VGF: variants seen among roughly 807,000 people sequenced by gnomAD.
VGF encodes the protein VGF nerve growth factor inducible.
In VGF, 13 loss-of-function variants were observed where a neutral mutation model predicts 41.1. The ratio of observed to expected loss-of-function variants is 0.32; its 90% CI spans 0.21 to 0.50. VGF has a LOEUF of 0.50. Among genes scored for constraint, VGF ranks in the 20% least tolerant of loss-of-function variants. VGF has a pLI of 0.98. For missense variants in VGF, 920 were observed against 882.1 expected, an observed-to-expected ratio of 1.04 and a Z score of -0.54; for synonymous variants, 473 against 418.3, an observed-to-expected ratio of 1.13 and a Z score of -1.60.
At chr7:101,165,840 A>G (rs1263423872), upstream of VGF, among the ~76,000 whole-genome samples, 1 of 152,094 alleles carries the variant, frequency 6.6e-6, no homozygotes, top group Non-Finnish European at 1.5e-5. Context: ...GCGGGGGGCT[A>G]TGAATGAATG....
rs1226542989 is a variant in VGF at position 101,163,220 on chromosome 7, G to A, written c.1624C>T (p.Pro542Ser). 6.5e-7 allele frequency: 1 copy of A among 1,541,896 alleles called. No homozygotes were observed. The highest frequency in any genetic ancestry group is 2.3e-5 in the East Asian group (1 of 42,822). Reference sequence around the variant, plus strand: ...ATGTAGTTGGGGAAAGGGTGGTACGGCCCTGGCGGGTACACCTCGTCCTCC... The same window carrying A: ...ATGTAGTTGGGGAAAGGGTGGTACGACCCTGGCGGGTACACCTCGTCCTCC... The part of the protein sequence containing the change: ...REEDEVYPPG[P>S]YHPFPNYIRP... The change falls in exon 2 of 2, where the codon CCG becomes TCG. Residue 542 changes from proline to serine, a missense_variant. By Grantham distance (74) the Pro-to-Ser change is moderately conservative. Transcript: ENST00000249330. This position sits in a 1 kb window ranked among gnomAD's most constrained non-coding sequence, Gnocchi z 5.0.
chr7:101,164,709 C>G lies in VGF; in HGVS notation c.135G>C (p.Gly45=). ...CATCCTTTGGCCCGGGCACTGCGTC[C>G]CCGGCTACCGGCTCTTTATGCTCAG... is the stretch of plus-strand genomic sequence containing the variant. ...LSSEHKEPVA[G]DAVPGPKDGS... Residue 45 remains glycine, a synonymous_variant, in exon 2 of 2, where the codon GGG becomes GGC. Coordinates refer to ENST00000249330, the MANE Select transcript of VGF (RefSeq NM_003378.4). 6.2e-7 allele frequency: 1 copy of G among 1,608,194 alleles called. No homozygotes were observed. The highest frequency in any genetic ancestry group is 2.2e-5 in the East Asian group (1 of 44,666).
At position 101,164,214 on chromosome 7, in the gene VGF, C is replaced by G; in HGVS notation, c.630G>C (p.Trp210Cys). 6.4e-7 allele frequency: 1 copy of G among 1,564,192 alleles called. No homozygotes were observed. The highest frequency in any genetic ancestry group is 8.6e-7 in the Non-Finnish European group (1 of 1,158,056). The change falls in exon 2 of 2, where the codon TGG (tryptophan) becomes TGC (cysteine). Residue 210 changes from tryptophan (W) to cysteine (C), a missense_variant. Around this residue, in one of 3 missense-constraint regions of VGF, gnomAD observed 654 missense variants for 638.4 expected, o/e 1.02. Transcript: ENST00000249330. ...PGPERVWRAS[W>C]GEFQARVPER... ...CCGGGACACGCGCCTGGAACTCTCC[C>G]CAGGAAGCGCGCCATACGCGCTCTG...
Position 101,163,245 on chromosome 7 carries a change from C to G in VGF, c.1599G>C (p.Glu533Asp). The change falls in exon 2 of 2, where the codon GAG (glutamate) becomes GAC (aspartate). Residue 533 changes from glutamate to aspartate, a missense_variant. Coordinates refer to ENST00000249330, the MANE Select transcript of VGF (RefSeq NM_003378.4). The surrounding 1 kb of genome is among the most constrained non-coding windows in gnomAD (Gnocchi z 5.0). ...GCCCTGGCGGGTACACCTCGTCCTC[C>G]TCCCGATCCCAGGGCGGGAGCACCT... ...WNEVLPPWDR[E>D]EDEVYPPGPY... is the part of the protein sequence containing the mutation. 1 of 1,525,004 alleles carries G rather than the reference C, an allele frequency of 6.6e-7. No individual in the cohort carries two copies. Among genetic ancestry groups the G allele is most frequent in the Non-Finnish European group, 8.8e-7 (1 of 1,140,546 alleles). 94.5% of individuals were successfully genotyped at this position (1,525,004 alleles called of 1,614,324 possible).
upstream of VGF, among the ~76,000 whole-genome samples, chr7:101,168,009 G>GTTTTT (rs374063215): frequency 2.5e-4 from 25 of 99,988 alleles, no homozygotes; most frequent in Non-Finnish European, 3.2e-4. Flanking sequence ...GTGCTGGGTT[G>GTTTTT]TTTTTTTTTG....
Position 101,164,680 on chromosome 7 carries a change from C to T in VGF, c.164G>A (p.Ser55Asn). The T allele has an allele frequency of 6.3e-7, 1 of 1,599,852 alleles. No homozygotes were observed. ...CCGAGCGCCTCGGACCTCTGGGGCGCTGCCATCCTTTGGCCCGGGCACTGC... is the reference window on the plus strand; with the variant it reads ...CCGAGCGCCTCGGACCTCTGGGGCGTTGCCATCCTTTGGCCCGGGCACTGC... ...GDAVPGPKDG[S>N]APEVRGARNS... The change falls in exon 2 of 2, where the codon AGC (serine) becomes AAC (asparagine). Residue 55 changes from serine to asparagine, a missense_variant. By Grantham distance (46) the Ser-to-Asn change is conservative (BLOSUM62 1). This residue lies in a region of VGF where 654 missense variants were observed against 638.4 expected (regional missense o/e 1.02). Transcript: ENST00000249330.
At chr7:101,167,767 A>G (rs1217097250), upstream of VGF, among the ~76,000 whole-genome samples, 3 of 152,142 alleles carry the variant, frequency 2.0e-5, no homozygotes, top group Non-Finnish European at 4.4e-5. This position sits in a 1 kb window ranked among gnomAD's most constrained non-coding sequence, Gnocchi z 4.2. Flanking sequence ...GTGTACATGT[A>G]CATGGCTTGT....
At chr7:101,165,643 A>G (rs902401375), upstream of VGF, 7 of 985,142 alleles carry the variant, frequency 7.1e-6, no homozygotes, top group African/African-American at 1.7e-5. Flanking sequence ...CGCCCCATTG[A>G]CGTCAATGTT....
chr7:101,163,821 G>T lies in VGF; in HGVS notation c.1023C>A (p.Ala341=), dbSNP rs766632718. Residue 341 remains alanine (A), a synonymous_variant, in exon 2 of 2, where the codon GCC becomes GCA. Coordinates refer to ENST00000249330, the MANE Select transcript of VGF (RefSeq NM_003378.4). This position sits in a 1 kb window ranked among gnomAD's most constrained non-coding sequence, Gnocchi z 5.0. The part of the protein sequence containing the change: ...LLLQYLLQGG[A]RQRGLGGRGL... ...CCCGACCCCCGAGGCCGCGCTGCCGGGCCCCGCCCTGCAGCAAATACTGGA... is the reference window on the plus strand; with the variant it reads ...CCCGACCCCCGAGGCCGCGCTGCCGTGCCCCGCCCTGCAGCAAATACTGGA... The T allele has an allele frequency of 6.5e-7, 1 of 1,531,152 alleles. No individual in the cohort carries two copies. The highest frequency in any genetic ancestry group is 1.2e-5 in the South Asian group (1 of 83,634). 94.8% of individuals were successfully genotyped at this position (1,531,152 alleles called of 1,614,324 possible).
chr7:101,163,160 G>A lies in VGF; in HGVS notation c.1684C>T (p.Arg562Cys). 3 of 1,571,992 alleles carry A rather than the reference G, an allele frequency of 1.9e-6. No individual in the cohort carries two copies. The highest frequency in any genetic ancestry group is 1.7e-6 in the Non-Finnish European group (2 of 1,163,576). ...AAGGCGTGGTGGTAGTGGCGGCGGC[G>A]CAAGGCCGAGGGCGGCTGCAGTGTC... Reference protein sequence around the residue: ...PRTLQPPSALRRRHYHHALPP... With the variant: ...PRTLQPPSALCRRHYHHALPP... Residue 562 changes from arginine to cysteine, a missense_variant, in exon 2 of 2, where the codon CGC (arginine) becomes TGC (cysteine). Coordinates refer to ENST00000249330, the MANE Select transcript of VGF (RefSeq NM_003378.4). This position sits in a 1 kb window ranked among gnomAD's most constrained non-coding sequence, Gnocchi z 5.0.
At chr7:101,164,997 A>C in intron 1 of VGF, 134 bp from the exon 2 acceptor site, 2 of 1,382,132 alleles carry the variant, frequency 1.4e-6, no homozygotes, top group Non-Finnish European at 1.9e-6. Context: ...CAGAAGAGGA[A>C]CGTTTAGGAG....
upstream of VGF, among the ~76,000 whole-genome samples, chr7:101,167,847 A>C (rs2116714598): frequency 2.0e-5 from 3 of 150,208 alleles, no homozygotes; most frequent in Non-Finnish European, 1.5e-5. The surrounding 1 kb of genome is among the most constrained non-coding windows in gnomAD (Gnocchi z 4.2). Context: ...AAGAAAGGGA[A>C]TGGGGGGAAG....
chr7:101,168,754 C>T (rs1284748629), upstream of VGF, among the ~76,000 whole-genome samples: 2 of 152,124 alleles, frequency 1.3e-5, no homozygotes, highest in African/African-American at 4.8e-5. Flanking sequence ...GGGAAGAGCA[C>T]TGGGTCTTTT....
At position 101,164,754 on chromosome 7, in the gene VGF, C is replaced by T. The variant is rs773260623; in HGVS notation, c.90G>A (p.Ala30=). The change falls in exon 2 of 2, where the codon GCG becomes GCA. Residue 30 remains alanine, a synonymous_variant. Transcript: ENST00000249330. ...GCTCAGAGCTGAGAGGAGGAGGCTG[C>T]GCCTCAGGGCGACCAGGGGGTGCTG... ...LGAAPPGRPE[A]QPPPLSSEHK... is the part of the protein sequence containing the mutation. 6.2e-6 allele frequency: 10 copies of T among 1,610,338 alleles called. No homozygotes were observed. Among genetic ancestry groups the T allele is most frequent in the Admixed American group, 3.3e-5 (2 of 59,878 alleles).
chr7:101,162,616 G>C lies in VGF; in HGVS notation c.*380C>G. ...GGTCAATTCACAGCGACTTGGAGAG[G>C]CTGGAGGGGCTCGTGGGAGGCCCGA... On this transcript the variant is annotated 3_prime_UTR_variant, in exon 2 of 2. Transcript: ENST00000249330. The surrounding 1 kb of genome is among the most constrained non-coding windows in gnomAD (Gnocchi z 4.2). The C allele has an allele frequency of 5.8e-6, 2 of 345,108 alleles. No individual in the cohort carries two copies. The highest frequency in any genetic ancestry group is 1.1e-5 in the Non-Finnish European group (2 of 176,900). The allele number at this position is 345,108 out of a possible 1,614,324, so 21.4% of individuals were successfully genotyped here. A position where few individuals can be genotyped will look rare whatever the true frequency, so the allele number is the denominator to read the frequency against.
upstream of VGF, among the ~76,000 whole-genome samples, chr7:101,168,019 GTTTT>G (rs1554368356): frequency 8.2e-6 from 1 of 121,376 alleles, no homozygotes; most frequent in South Asian, 3.2e-4. Flanking sequence ...GTTTTTTTTT[GTTTT>G]TTTTTTTTAT....
upstream of VGF, among the ~76,000 whole-genome samples, chr7:101,169,206 G>A (rs1385677201): frequency 1.3e-5 from 2 of 151,940 alleles, no homozygotes; most frequent in Non-Finnish European, 2.9e-5. Context: ...AAGCGGGGGA[G>A]GGCAACGCCG....
Position 101,163,082 on chromosome 7 carries a change from C to A in VGF, c.1762G>T (p.Glu588Ter). The A allele has an allele frequency of 6.3e-7, 1 of 1,578,876 alleles. No individual in the cohort carries two copies. Among genetic ancestry groups the A allele is most frequent in the South Asian group, 1.1e-5 (1 of 87,492 alleles). The change falls in exon 2 of 2, where the codon GAG (glutamate) becomes TAG (stop). Residue 588 changes from glutamate to a stop codon, truncating the protein, a stop_gained. Transcript: ENST00000249330. LOFTEE classifies it high-confidence loss of function. This position sits in a 1 kb window ranked among gnomAD's most constrained non-coding sequence, Gnocchi z 5.0. ...GREAQARRAQEEAEAEERRLQ... is the reference protein window; with the variant it reads ...GREAQARRAQ Reference sequence around the variant, plus strand: ...CGGCGCTCCTCCGCCTCCGCCTCCTCCTGCGCGCGCCGCGCCTGGGCCTCC... The same window carrying A: ...CGGCGCTCCTCCGCCTCCGCCTCCTACTGCGCGCGCCGCGCCTGGGCCTCC...
upstream of VGF, among the ~76,000 whole-genome samples, chr7:101,167,306 G>C (rs899599704): frequency 9.9e-5 from 15 of 152,096 alleles, no homozygotes; most frequent in Admixed American, 9.8e-4. This position sits in a 1 kb window ranked among gnomAD's most constrained non-coding sequence, Gnocchi z 4.2. Context: ...GGAATGAAGG[G>C]ATCTGGAACA....
Sources: allele counts gnomAD v4.1 joint callset (sites outside exome capture counted in the v4.1 genomes callset), GRCh38; gene constraint gnomAD v4.1.1; regional missense constraint gnomAD v4.1.1; non-coding constraint Gnocchi (gnomAD v3.1); transcripts MANE v1.5; gene names NCBI Gene and HGNC (gene_info 2026-07-23, HGNC 2026-07-21).